The following NEDD4L variants were observed in gnomAD, a reference collection of about 807,000 sequenced individuals.
NEDD4L encodes the protein NEDD4 like E3 ubiquitin protein ligase.
NEDD4L carries 54 observed loss-of-function variants against 148.9 expected under a neutral mutation model. The ratio of observed to expected loss-of-function variants is 0.36; its 90% CI spans 0.29 to 0.45. The LOEUF (loss-of-function observed/expected upper bound fraction) is 0.45, where lower values mean the gene tolerates loss of function less well. Among genes scored for constraint, NEDD4L ranks in the 20% least tolerant of loss-of-function variants. The pLI, the probability that NEDD4L is intolerant of heterozygous loss-of-function variation, is 1.00. For synonymous variants in NEDD4L, 433 were observed against 440.7 expected, an observed-to-expected ratio of 0.98 and a Z score of 0.22; for missense variants, 856 against 1,233.8, an observed-to-expected ratio of 0.69 and a Z score of 4.59.
intron 18 of NEDD4L, 149 bp from the exon 19 acceptor site, chr18:58,357,045 T>C: frequency 1.5e-6 from 1 of 688,796 alleles, no homozygotes; most frequent in South Asian, 1.9e-5. Context: ...ACCTGCTAAC[T>C]CTGAAATACT....
At chr18:58,348,888 T>G (rs547163298) in intron 16 of NEDD4L, among the ~76,000 whole-genome samples, 5 of 152,250 alleles carry the variant, frequency 3.3e-5, no homozygotes, top group Non-Finnish European at 7.4e-5. Flanking sequence ...AGAAAAAAAT[T>G]TTGTAAACGT....
chr18:58,180,338 G>A (rs114997090), intron 2 of NEDD4L, among the ~76,000 whole-genome samples: 2,613 of 152,236 alleles, frequency 0.017, 81 homozygotes, highest in African/African-American at 0.059. Flanking sequence ...TTGGCTCTGT[G>A]CCTGGCCCTG....
Position 58,320,178 on chromosome 18 carries a change from A to G in NEDD4L, c.349-2247A>G, listed in dbSNP as rs568044443. Among the ~76,000 whole-genome samples, 6 of 152,204 alleles carry G rather than the reference A, an allele frequency of 3.9e-5. No homozygotes were observed. The East Asian group carries it at 1.2e-3, about 29-fold the overall frequency. On this transcript the variant is annotated intron_variant, in intron 6 of 30. Coordinates refer to ENST00000400345, the MANE Select transcript of NEDD4L (RefSeq NM_001144967.3). ...CTCTTGCATGTTCTCTGCTGCTCCT[A>G]GATTGCTCATGCCCACTGGTGATCC...
intron 1 of NEDD4L, among the ~76,000 whole-genome samples, chr18:58,127,588 C>G (rs1219646714): frequency 6.6e-6 from 1 of 151,616 alleles, no homozygotes; most frequent in Non-Finnish European, 1.5e-5. Flanking sequence ...ACCTGTGATC[C>G]CAGCACTTTG....
At chr18:58,274,065 C>T (rs1229624834) in intron 5 of NEDD4L, among the ~76,000 whole-genome samples, 1 of 152,140 alleles carries the variant, frequency 6.6e-6, no homozygotes, top group African/African-American at 2.4e-5. Flanking sequence ...TTTGGAAAAG[C>T]TTGCTTTAGG....
chr18:58,369,764 T>C (rs2046596738), intron 22 of NEDD4L, among the ~76,000 whole-genome samples: 1 of 152,164 alleles, frequency 6.6e-6, no homozygotes, highest in South Asian at 2.1e-4. Context: ...GACGCCTGAA[T>C]GGTGGGAGGC....
intron 22 of NEDD4L, among the ~76,000 whole-genome samples, chr18:58,369,473 G>A: frequency 1.4e-5 from 1 of 70,458 alleles, no homozygotes; most frequent in Admixed American, 1.4e-4. Flanking sequence ...ACATCTGTCC[G>A]ATGGGAATGT....
chr18:58,089,758 T>A (rs1054087979), intron 1 of NEDD4L, among the ~76,000 whole-genome samples: 7 of 152,080 alleles, frequency 4.6e-5, no homozygotes, highest in Non-Finnish European at 7.4e-5. Flanking sequence ...GAGGGTTGGT[T>A]TCTCTGAGGC....
chr18:58,181,561 A>G (rs1463670554), intron 2 of NEDD4L, among the ~76,000 whole-genome samples: 1 of 152,056 alleles, frequency 6.6e-6, no homozygotes, highest in East Asian at 1.9e-4. Context: ...ACTCCCAAAT[A>G]GCTAGACCAT....
intron 30 of NEDD4L, 143 bp downstream of exon 30, chr18:58,391,702 A>G (rs2049854955): frequency 1.5e-6 from 1 of 657,974 alleles, no homozygotes; most frequent in Non-Finnish European, 2.7e-6. Flanking sequence ...GGATGAAAAT[A>G]GAAATTGTAC....
chr18:58,164,286 C>T (rs1368185389), intron 1 of NEDD4L, among the ~76,000 whole-genome samples: 1 of 152,106 alleles, frequency 6.6e-6, no homozygotes, highest in Non-Finnish European at 1.5e-5. Flanking sequence ...ATTTTCTCAC[C>T]TGTGATTGAT....
chr18:58,352,939 G>A lies in NEDD4L; in HGVS notation c.1708+1894G>A, dbSNP rs117030826. On this transcript the variant is annotated intron_variant, in intron 18 of 30. Coordinates refer to ENST00000400345, the MANE Select transcript of NEDD4L (RefSeq NM_001144967.3). ...ATTACAAAGGGCTGTCGTAGCATGC[G>A]TTAAAATAGTGAAAATCACTGACTA... Among the ~76,000 whole-genome samples, 8 of 152,328 alleles carry A rather than the reference G, an allele frequency of 5.3e-5. No homozygotes were observed. In the East Asian group the frequency reaches 1.2e-3, roughly 22 times the overall value.
chr18:58,283,629 G>A (rs1432250531), intron 5 of NEDD4L, among the ~76,000 whole-genome samples: 1 of 152,168 alleles, frequency 6.6e-6, no homozygotes, highest in African/African-American at 2.4e-5. Context: ...AAAATGTCAG[G>A]CAGTAAGTCT....
chr18:58,299,203 G>A (rs979578782), intron 5 of NEDD4L, among the ~76,000 whole-genome samples: 2 of 152,214 alleles, frequency 1.3e-5, no homozygotes, highest in Non-Finnish European at 2.9e-5. Flanking sequence ...GCTGCTAATT[G>A]TTTGCACACT....
At chr18:58,218,622 C>G (rs2043397779) in intron 2 of NEDD4L, among the ~76,000 whole-genome samples, 1 of 152,184 alleles carries the variant, frequency 6.6e-6, no homozygotes, top group Admixed American at 6.5e-5. Flanking sequence ...GATTATAAAA[C>G]TGAAGTATCT....
chr18:58,313,971 C>T (rs1401838750), intron 5 of NEDD4L, among the ~76,000 whole-genome samples: 2 of 152,214 alleles, frequency 1.3e-5, no homozygotes, highest in African/African-American at 4.8e-5. Flanking sequence ...ATTGTCTTTT[C>T]CTTCCCACAT....
chr18:58,205,070 C>T (rs1171416176), intron 2 of NEDD4L, among the ~76,000 whole-genome samples: 1 of 152,200 alleles, frequency 6.6e-6, no homozygotes, highest in Non-Finnish European at 1.5e-5. Flanking sequence ...ACATTTTATC[C>T]ATAACCATAA....
intron 5 of NEDD4L, among the ~76,000 whole-genome samples, chr18:58,314,359 G>A (rs2058038826): frequency 6.6e-6 from 1 of 151,500 alleles, no homozygotes; most frequent in Non-Finnish European, 1.5e-5. Flanking sequence ...GGAGGTTGCA[G>A]TGAGCTGAGA....
chr18:58,232,643 C>T (rs1319017732), intron 2 of NEDD4L, among the ~76,000 whole-genome samples: 2 of 152,170 alleles, frequency 1.3e-5, no homozygotes, highest in South Asian at 4.1e-4. Flanking sequence ...TAATGTGGCT[C>T]TTTTTCTGTT....
Sources: allele counts gnomAD v4.1 joint callset (sites outside exome capture counted in the v4.1 genomes callset), GRCh38; gene constraint gnomAD v4.1.1; transcripts MANE v1.5; gene names NCBI Gene and HGNC (gene_info 2026-07-23, HGNC 2026-07-21).